Variants in APOLD1 observed in about 807,000 individuals in gnomAD.
APOLD1 encodes apolipoprotein L domain containing 1.
A neutral mutation model predicts 15.3 loss-of-function variants in APOLD1; 22 were observed. The ratio of observed to expected loss-of-function variants is 1.44; its 90% CI spans 1.03 to 2.05. The LOEUF (loss-of-function observed/expected upper bound fraction) is 2.05. Ranked by LOEUF, APOLD1 falls within the 30% of genes most tolerant of loss-of-function variation. The probability of loss-of-function intolerance (pLI) is 0.00; values close to 1 mark genes in which losing one functional copy is unlikely to be tolerated. For missense variants in APOLD1, 394 were observed against 353.5 expected, an observed-to-expected ratio of 1.11 and a Z score of -0.92; for synonymous variants, 190 against 167.4, an observed-to-expected ratio of 1.13 and a Z score of -1.04.
At chr12:12,753,415 C>G (rs1459781426) in intron 1 of APOLD1, among the ~76,000 whole-genome samples, 1 of 152,096 alleles carries the variant, frequency 6.6e-6, no homozygotes, top group African/African-American at 2.4e-5. Context: ...CCCGTAATCC[C>G]AAAACTTTGG....
rs904670105 is a variant in APOLD1, at chr12:12,733,390, A to G, written c.96+7294A>G. 1.5e-4 allele frequency among the ~76,000 whole-genome samples: 23 copies of G among 152,202 alleles called. 1 individual carries two copies. ...GCACATTAAGACCAAAAGCAGGCAC[A>G]GAACAGTATCTATGGTATGAATGTA... On this transcript the variant is annotated intron_variant, in intron 1 of 1. Transcript: ENST00000326765.
chr12:12,777,003 G>A (rs373811245), intron 1 of APOLD1, among the ~76,000 whole-genome samples: 7 of 152,176 alleles, frequency 4.6e-5, no homozygotes, highest in Non-Finnish European at 1.0e-4. Flanking sequence ...GCTATGCACT[G>A]TATATAATAA....
chr12:12,780,919 C>T, upstream of APOLD1, among the ~76,000 whole-genome samples: 1 of 150,906 alleles, frequency 6.6e-6, no homozygotes, highest in Non-Finnish European at 1.5e-5. Context: ...AAAAGAGGTC[C>T]TATATTTAGT....
chr12:12,778,426 C>T (rs1267984811), intron 1 of APOLD1, among the ~76,000 whole-genome samples: 2 of 151,866 alleles, frequency 1.3e-5, no homozygotes, highest in Non-Finnish European at 2.9e-5. Flanking sequence ...CTCAAGCACT[C>T]CTCCCACCTC....
intron 1 of APOLD1, among the ~76,000 whole-genome samples, chr12:12,786,402 G>A (rs564480718): frequency 1.9e-4 from 29 of 152,130 alleles, no homozygotes; most frequent in African/African-American, 6.7e-4. Context: ...TAGAAAATAC[G>A]ATTTTTGAGG....
intron 1 of APOLD1, among the ~76,000 whole-genome samples, chr12:12,761,146 T>G (rs1265167118): frequency 6.6e-6 from 1 of 152,246 alleles, no homozygotes; most frequent in Non-Finnish European, 1.5e-5. Flanking sequence ...TTTAATCATG[T>G]GCTTAATCTA....
chr12:12,787,436 C>T lies in APOLD1; in HGVS notation c.531C>T (p.Gly177=). ...VYFIVFFGSR[G]FLIPRRAEGD... is the part of the protein sequence containing the mutation. ...TCATCGTCTTCTTTGGCTCACGTGG[C>T]TTCCTCATCCCCAGGCGGGCGGAGG... Residue 177 remains glycine (G), a synonymous_variant, in exon 2 of 2, where the codon GGC becomes GGT. Transcript: ENST00000356591. This position sits in a 1 kb window ranked among gnomAD's most constrained non-coding sequence, Gnocchi z 4.9. The T allele has an allele frequency of 5.6e-6, 9 of 1,614,232 alleles. No individual in the cohort carries two copies. Among genetic ancestry groups the T allele is most frequent in the Non-Finnish European group, 7.6e-6 (9 of 1,180,042 alleles).
At chr12:12,746,288 G>A (rs184412444) in intron 1 of APOLD1, among the ~76,000 whole-genome samples, 1 of 152,228 alleles carries the variant, frequency 6.6e-6, no homozygotes, top group African/African-American at 2.4e-5. Context: ...CTGAGGTCAG[G>A]AGTTCGAGAC....
Position 12,791,108 on chromosome 12 carries a change from G to A in APOLD1, c.*3456G>A, listed in dbSNP as rs907271658. On this transcript the variant is annotated 3_prime_UTR_variant, in exon 2 of 2. Transcript: ENST00000356591. Reference sequence around the variant, plus strand: ...GGTTCTGCATTTTCAGGATTCAATAGAACTGCTCCATTAAAAAAATAATCC... The same window carrying A: ...GGTTCTGCATTTTCAGGATTCAATAAAACTGCTCCATTAAAAAAATAATCC... The A allele has an allele frequency of 2.0e-5, 3 of 152,136 alleles. 1 individual carries two copies. Among genetic ancestry groups the A allele is most frequent in the South Asian group, 4.1e-4 (2 of 4,834 alleles). 9.4% of individuals were successfully genotyped at this position (152,136 alleles called of 1,614,324 possible).
At position 12,753,143 on chromosome 12, in the gene APOLD1, G is replaced by C. The variant is rs535533593; in HGVS notation, c.96+27047G>C. 4.6e-4 allele frequency among the ~76,000 whole-genome samples: 70 copies of C among 152,278 alleles called. 1 individual carries two copies. Among genetic ancestry groups the C allele is most frequent in the Non-Finnish European group, 1.5e-5 (1 of 68,020 alleles). On this transcript the variant is annotated intron_variant, in intron 1 of 1. Coordinates refer to the APOLD1 transcript ENST00000326765. ...AAAAGGACATTGCCTCTGTAAAGAT[G>C]AGTGACAAATCAAGAATGGATGAAC...
At position 12,788,254 on chromosome 12, in the gene APOLD1, T is replaced by TA. The variant is rs1416699236; in HGVS notation, c.*603dup. 6 of 152,408 alleles carry TA rather than the reference T, an allele frequency of 3.9e-5. No individual in the cohort carries two copies. Among genetic ancestry groups the TA allele is most frequent in the African/African-American group, 1.4e-4 (6 of 41,436 alleles). The allele number at this position is 152,408 out of a possible 1,614,324, so 9.4% of individuals were successfully genotyped here. A position where few individuals can be genotyped will look rare whatever the true frequency, so the allele number is the denominator to read the frequency against. ...TCCCAGATGCGGCCTGGGTATGAAGTAGGCCTTTCCTGAGTGGCTCCCAAT... is the reference window on the plus strand; with the variant it reads ...TCCCAGATGCGGCCTGGGTATGAAGTAAGGCCTTTCCTGAGTGGCTCCCAAT... On this transcript the variant is annotated 3_prime_UTR_variant, in exon 2 of 2. Transcript: ENST00000356591.
chr12:12,781,714 A>C (rs981847190), upstream of APOLD1, among the ~76,000 whole-genome samples: 7 of 151,068 alleles, frequency 4.6e-5, no homozygotes, highest in African/African-American at 1.7e-4. Flanking sequence ...TTTTTGGTAG[A>C]GACGGGGTTT....
chr12:12,785,105 T>C (rs1421461087), upstream of APOLD1, among the ~76,000 whole-genome samples: 2 of 152,194 alleles, frequency 1.3e-5, no homozygotes, highest in Non-Finnish European at 2.9e-5. Context: ...CACGCAGCAC[T>C]TCCTGTGGGT....
rs150813555 is a variant in APOLD1, at chr12:12,764,206, A to G, written c.97-22703A>G. ...TTGAACTCCTGGCCTCAGGTGATCCACCCATCTCGGCCTCCCAAAGTGCTG... is the reference window on the plus strand; with the variant it reads ...TTGAACTCCTGGCCTCAGGTGATCCGCCCATCTCGGCCTCCCAAAGTGCTG... On this transcript the variant is annotated intron_variant, in intron 1 of 1. Transcript: ENST00000326765. Among the ~76,000 whole-genome samples, 749 of 152,228 alleles carry G rather than the reference A, an allele frequency of 4.9e-3. 5 individuals carry two copies. The highest frequency in any genetic ancestry group is 0.017 in the African/African-American group (700 of 41,520).
At chr12:12,753,734 C>A (rs551884911) in intron 1 of APOLD1, among the ~76,000 whole-genome samples, 3 of 151,642 alleles carry the variant, frequency 2.0e-5, no homozygotes, top group Admixed American at 2.0e-4. Flanking sequence ...TTAAATAATT[C>A]GAAGAATTAT....
chr12:12,746,143 G>A (rs1368041105), intron 1 of APOLD1, among the ~76,000 whole-genome samples: 2 of 152,118 alleles, frequency 1.3e-5, no homozygotes, highest in East Asian at 1.9e-4. Context: ...AGGAAGGGTG[G>A]TGGGAATCCA....
At chr12:12,728,339 C>T (rs1263132739) in intron 1 of APOLD1, among the ~76,000 whole-genome samples, 1 of 152,018 alleles carries the variant, frequency 6.6e-6, no homozygotes, top group African/African-American at 2.4e-5. Context: ...TGAACTCAGA[C>T]TTGGTCACCA....
At chr12:12,752,839 A>G (rs1043978010) in intron 1 of APOLD1, among the ~76,000 whole-genome samples, 2 of 152,242 alleles carry the variant, frequency 1.3e-5, no homozygotes, top group African/African-American at 4.8e-5. Context: ...TGACTAATTC[A>G]GGTACCACAG....
In APOLD1 at chr12:12,791,172, G is replaced by A. The variant is rs1027277262; in HGVS notation, c.*3520G>A. ...GAATCCTAACTGCTTTGATGCACTT[G>A]CCCTCGGGCACCTGTCATTTCCAAT... On this transcript the variant is annotated 3_prime_UTR_variant, in exon 2 of 2. Coordinates refer to ENST00000356591, the MANE Select transcript of APOLD1 (RefSeq NM_030817.3). 1 of 152,126 alleles carries A rather than the reference G, an allele frequency of 6.6e-6. No homozygotes were observed. Among genetic ancestry groups the A allele is most frequent in the Non-Finnish European group, 1.5e-5 (1 of 68,024 alleles). 9.4% of individuals were successfully genotyped at this position (152,126 alleles called of 1,614,324 possible).
Sources: gnomAD v4.1 joint callset for allele counts (sites outside exome capture counted in the v4.1 genomes callset) on GRCh38, gnomAD v4.1.1 for gene constraint, Gnocchi (gnomAD v3.1) non-coding constraint, MANE v1.5 for transcripts, NCBI Gene and HGNC (gene_info 2026-07-23, HGNC 2026-07-21) for gene names.